The following CSMD1 variants were observed in gnomAD, a reference collection of about 807,000 sequenced individuals.
CSMD1 encodes CUB and sushi domain-containing protein 1.
CSMD1 carries 213 observed loss-of-function variants against 417.5 expected under a neutral mutation model. The observed-to-expected ratio is 0.51, with a 90% CI of 0.46 to 0.57. The LOEUF (loss-of-function observed/expected upper bound fraction) is 0.57, where lower values mean the gene tolerates loss of function less well. CSMD1 is among the 20% of genes least tolerant of loss of function. The pLI, the probability that CSMD1 is intolerant of heterozygous loss-of-function variation, is 0.00. For synonymous variants in CSMD1, 2,862 were observed against 1,736.8 expected, an observed-to-expected ratio of 1.65 and a Z score of -16.11; for missense variants, 6,923 against 4,529.7, an observed-to-expected ratio of 1.53 and a Z score of -15.17.
At chr8:3,838,030 ATATG>A (rs1321986502) in intron 5 of CSMD1, among the ~76,000 whole-genome samples, 2 of 152,120 alleles carry the variant, frequency 1.3e-5, no homozygotes, top group Non-Finnish European at 2.9e-5. Flanking sequence ...TCATAAATAA[ATATG>A]TATGTATTGA....
chr8:3,768,955 T>C (rs975368837), intron 5 of CSMD1, among the ~76,000 whole-genome samples: 2 of 152,132 alleles, frequency 1.3e-5, no homozygotes, highest in African/African-American at 2.4e-5. Flanking sequence ...CGATGGAAGG[T>C]GAATGGAACA....
intron 5 of CSMD1, among the ~76,000 whole-genome samples, chr8:3,991,455 G>A (rs1311341754): frequency 6.6e-6 from 1 of 152,108 alleles, no homozygotes; most frequent in Non-Finnish European, 1.5e-5. Flanking sequence ...TCATTCATGT[G>A]TCCTCTTAGA....
chr8:3,284,322 C>T lies in CSMD1; in HGVS notation c.3975G>A (p.Thr1325=), dbSNP rs377759075. The T allele has an allele frequency of 1.7e-4, 269 of 1,613,746 alleles. No homozygotes were observed. Among genetic ancestry groups the T allele is most frequent in the Middle Eastern group, 6.7e-4 (4 of 5,992 alleles). The change falls in exon 26 of 70, where the codon ACG becomes ACA. Residue 1325 remains threonine, a synonymous_variant. Transcript: ENST00000635120. ...TISLHFIVFD[T]EMAHDILKVW... ...CCTTGAGGATGTCGTGAGCCATCTC[C>T]GTGTCGAAAACAATGAAATGGAGGC...
intron 48 of CSMD1, among the ~76,000 whole-genome samples, chr8:3,089,164 G>A (rs1206864061): frequency 1.3e-5 from 2 of 152,200 alleles, no homozygotes; most frequent in African/African-American, 4.8e-5. Flanking sequence ...GGAATTCAGA[G>A]GAGCAGGGCC....
At chr8:4,974,177 C>A (rs1441266616) in intron 1 of CSMD1, among the ~76,000 whole-genome samples, 2 of 137,172 alleles carry the variant, frequency 1.5e-5, no homozygotes, top group Non-Finnish European at 3.2e-5. Flanking sequence ...CCACCACACC[C>A]AGCTAATTTT....
chr8:3,439,192 G>C (rs1304770380), intron 12 of CSMD1, among the ~76,000 whole-genome samples: 1 of 122,796 alleles, frequency 8.1e-6, no homozygotes, highest in Non-Finnish European at 1.7e-5. Flanking sequence ...TTGCCAAACT[G>C]TTTAAAAATG....
At chr8:3,109,930 C>T (rs886267815) in intron 43 of CSMD1, among the ~76,000 whole-genome samples, 1 of 152,038 alleles carries the variant, frequency 6.6e-6, no homozygotes, top group African/African-American at 2.4e-5. Flanking sequence ...CATACACACA[C>T]AGATGCAGAC....
At chr8:3,476,984 A>T (rs887280372) in intron 11 of CSMD1, among the ~76,000 whole-genome samples, 1 of 151,968 alleles carries the variant, frequency 6.6e-6, no homozygotes, top group Non-Finnish European at 1.5e-5. Context: ...TGTCAACACA[A>T]AGGGATACTA....
rs150293004 is a variant in CSMD1 at position 4,281,355 on chromosome 8, G to A, written c.415+138598C>T. On this transcript the variant is annotated intron_variant, in intron 3 of 69. Coordinates refer to ENST00000635120, the MANE Select transcript of CSMD1 (RefSeq NM_033225.6). ...TCCCAGGCCCACAGAGTAAGATGAC[G>A]GCATAAGGTCTTTGCATAAACCAGT... 8.7e-3 allele frequency among the ~76,000 whole-genome samples: 1,325 copies of A among 152,188 alleles called. 9 individuals carry two copies. Among genetic ancestry groups the A allele is most frequent in the South Asian group, 0.027 (128 of 4,810 alleles).
At position 3,797,139 on chromosome 8, in the gene CSMD1, A is replaced by G. The variant is rs192543231; in HGVS notation, c.819-43097T>C. 1.3e-3 allele frequency among the ~76,000 whole-genome samples: 192 copies of G among 152,100 alleles called. 2 individuals carry two copies. The highest frequency in any genetic ancestry group is 2.4e-3 in the Non-Finnish European group (161 of 67,858). ...GTAAATAATGAAGTATACTAATAAA[A>G]TACAGTCAACATAATAATTGAATTT... is the stretch of plus-strand genomic sequence containing the variant. On this transcript the variant is annotated intron_variant, in intron 5 of 69. Transcript: ENST00000635120.
intron 3 of CSMD1, among the ~76,000 whole-genome samples, chr8:4,166,197 T>C (rs996580823): frequency 4.6e-5 from 7 of 152,156 alleles, no homozygotes; most frequent in African/African-American, 1.7e-4. Flanking sequence ...TGCAAAATAG[T>C]CAGTTTTATG....
intron 3 of CSMD1, among the ~76,000 whole-genome samples, chr8:4,334,710 A>C (rs569516867): frequency 2.6e-5 from 4 of 152,140 alleles, no homozygotes; most frequent in African/African-American, 9.7e-5. Context: ...ACCATGAAAA[A>C]TAATTTTTAT....
rs537398608 is a variant in CSMD1 at position 3,389,828 on chromosome 8, A to G, written c.2594-2146T>C. On this transcript the variant is annotated intron_variant, in intron 17 of 69. Transcript: ENST00000635120. ...ACTCTTAAGGTCACAATTGATGCTT[A>G]GTTCCAATATTATGCCATAATACTT... 2.0e-5 allele frequency among the ~76,000 whole-genome samples: 3 copies of G among 152,346 alleles called. No homozygotes were observed. The East Asian group carries it at 5.8e-4, about 29-fold the overall frequency.
chr8:3,155,569 G>A (rs745912902), intron 39 of CSMD1, among the ~76,000 whole-genome samples: 1 of 151,108 alleles, frequency 6.6e-6, no homozygotes, highest in Non-Finnish European at 1.5e-5. Flanking sequence ...GGATTTTACC[G>A]TGTTAGCCAG....
intron 3 of CSMD1, among the ~76,000 whole-genome samples, chr8:4,387,864 T>C (rs541880385): frequency 1.3e-5 from 2 of 152,158 alleles, no homozygotes; most frequent in African/African-American, 2.4e-5. Context: ...ACAAATATTC[T>C]TTAATGTCCT....
chr8:3,927,730 A>G (rs7843639), intron 5 of CSMD1, among the ~76,000 whole-genome samples: 2,289 of 152,332 alleles, frequency 0.015, 69 homozygotes, highest in African/African-American at 0.052. Flanking sequence ...TAAGCAGAAA[A>G]AAAAGAAGAT....
At chr8:4,257,348 T>A (rs982595519) in intron 3 of CSMD1, among the ~76,000 whole-genome samples, 2 of 152,164 alleles carry the variant, frequency 1.3e-5, no homozygotes, top group East Asian at 1.9e-4. Context: ...CATTCAAGGG[T>A]TGAATAATTT....
intron 3 of CSMD1, among the ~76,000 whole-genome samples, chr8:4,349,964 T>C (rs1350970119): frequency 6.6e-6 from 1 of 152,152 alleles, no homozygotes; most frequent in Non-Finnish European, 1.5e-5. Context: ...ATGTATGCTG[T>C]AGACTTAAGG....
At chr8:4,839,359 T>C (rs1171514821) in intron 1 of CSMD1, among the ~76,000 whole-genome samples, 2 of 152,188 alleles carry the variant, frequency 1.3e-5, no homozygotes, top group East Asian at 3.8e-4. Flanking sequence ...CAAGCAAATA[T>C]ATTTCATAAT....
Sources: allele counts gnomAD v4.1 joint callset (sites outside exome capture counted in the v4.1 genomes callset), GRCh38; gene constraint gnomAD v4.1.1; transcripts MANE v1.5; gene names NCBI Gene and HGNC (gene_info 2026-07-23, HGNC 2026-07-21).